The following TBC1D2 variants were observed in gnomAD, a reference collection of about 807,000 sequenced individuals.
TBC1D2 encodes TBC1 domain family member 2.
TBC1D2 carries 58 observed loss-of-function variants against 91.1 expected under a neutral mutation model. The ratio of observed to expected loss-of-function variants is 0.64; its 90% confidence interval spans 0.52 to 0.79. The LOEUF is 0.79. Ranked by LOEUF, TBC1D2 falls within the 30% of genes least tolerant of loss-of-function variation. TBC1D2 has a pLI of 0.00. For synonymous variants in TBC1D2, 482 were observed against 511.5 expected (o/e 0.94, Z 0.78); for missense variants, 1,080 against 1,208.3 (o/e 0.89, Z 1.57).
intron 7 of TBC1D2, among the ~76,000 whole-genome samples, chr9:98,211,748 G>A: frequency 6.6e-6 from 1 of 151,150 alleles, no homozygotes; most frequent in Non-Finnish European, 1.5e-5. Flanking sequence ...GCCCACCTCT[G>A]TTGCCTGGGC....
intron 6 of TBC1D2, chr9:98,213,601 C>CAT (rs1173673622): frequency 5.4e-6 from 1 of 184,626 alleles, no homozygotes; most frequent in Non-Finnish European, 1.1e-5. Flanking sequence ...GGGACCAAAA[C>CAT]ATAGCAAGTG....
chr9:98,212,743 A>C (rs1276424369), intron 7 of TBC1D2, among the ~76,000 whole-genome samples: 1 of 151,860 alleles, frequency 6.6e-6, no homozygotes, highest in Admixed American at 6.6e-5. Context: ...TGACCTTGTG[A>C]TCCACCCGCC....
intron 9 of TBC1D2, among the ~76,000 whole-genome samples, chr9:98,207,003 T>C (rs1342367270): frequency 6.6e-6 from 1 of 152,246 alleles, no homozygotes; most frequent in Non-Finnish European, 1.5e-5. Context: ...AAATGAGAAG[T>C]ACAGGGGCTT....
intron 3 of TBC1D2, among the ~76,000 whole-genome samples, chr9:98,239,889 G>A (rs12553553): frequency 0.066 from 10,032 of 152,058 alleles, 401 homozygotes; most frequent in East Asian, 0.17. Context: ...TTCTTCTTGC[G>A]TATATTTTAG....
At chr9:98,244,539 A>G (rs1202806161) in intron 2 of TBC1D2, among the ~76,000 whole-genome samples, 1 of 151,854 alleles carries the variant, frequency 6.6e-6, no homozygotes, top group African/African-American at 2.4e-5. Flanking sequence ...CATTCTTGCA[A>G]TCCCAGCTAC....
chr9:98,234,223 T>TACTA (rs1195011453), intron 3 of TBC1D2, among the ~76,000 whole-genome samples: 4 of 152,078 alleles, frequency 2.6e-5, no homozygotes, highest in African/African-American at 4.8e-5. Context: ...AAGAACCGGG[T>TACTA]ACTAACCTAC....
chr9:98,242,575 T>A (rs947596613), intron 3 of TBC1D2, among the ~76,000 whole-genome samples: 2 of 152,190 alleles, frequency 1.3e-5, no homozygotes, highest in African/African-American at 4.8e-5. Flanking sequence ...GCAGCTAATA[T>A]GCATTTCATG....
intron 10 of TBC1D2, among the ~76,000 whole-genome samples, chr9:98,202,835 A>C (rs1298537063): frequency 6.6e-6 from 1 of 152,286 alleles, no homozygotes; most frequent in Non-Finnish European, 1.5e-5. Context: ...TACATTTCCT[A>C]ACTTGCCTTG....
At chr9:98,214,583 C>T (rs530555142) in intron 6 of TBC1D2, among the ~76,000 whole-genome samples, 13 of 148,698 alleles carry the variant, frequency 8.7e-5, no homozygotes, top group Admixed American at 4.7e-4. Flanking sequence ...CATGTGCAAG[C>T]GATGCTGCAG....
At chr9:98,241,079 A>G (rs540861839) in intron 3 of TBC1D2, among the ~76,000 whole-genome samples, 37 of 152,330 alleles carry the variant, frequency 2.4e-4, no homozygotes, top group Admixed American at 4.6e-4. Flanking sequence ...GGACCCTTCC[A>G]TGGCTCAAAT....
At chr9:98,231,190 T>C (rs191478770) in intron 4 of TBC1D2, among the ~76,000 whole-genome samples, 8 of 150,514 alleles carry the variant, frequency 5.3e-5, no homozygotes, top group African/African-American at 9.8e-5. Context: ...CTGGATTTCA[T>C]AGGAGTGCCT....
intron 9 of TBC1D2, among the ~76,000 whole-genome samples, chr9:98,205,723 C>T (rs138258163): frequency 1.3e-5 from 2 of 152,116 alleles, no homozygotes; most frequent in East Asian, 1.9e-4. Context: ...TCTTGTTTTT[C>T]GTTTTTTTAA....
rs138960836 is a variant in TBC1D2 at position 98,223,428 on chromosome 9, C to T, written c.979-2200G>A. Among the ~76,000 whole-genome samples, 37 of 152,264 alleles carry T rather than the reference C, an allele frequency of 2.4e-4. No individual in the cohort carries two copies. In the East Asian group the frequency reaches 5.8e-3, roughly 24 times the overall value. Reference sequence around the variant, plus strand: ...GCAAACCAAAAGGGAATGTTTGGAACGTCCAGAATGAAGAAGTCAGCTTCT... The same window carrying T: ...GCAAACCAAAAGGGAATGTTTGGAATGTCCAGAATGAAGAAGTCAGCTTCT... On this transcript the variant is annotated intron_variant, in intron 5 of 12. Transcript: ENST00000465784.
At position 98,248,153 on chromosome 9, in the gene TBC1D2, A is replaced by G. The variant is rs189033583; in HGVS notation, c.511+3632T>C. ...CGTCCCTACTTTTGCTTTTCCCATTAAACAATGTGGCTTATCAGAGCAGCC... is the reference window on the plus strand; with the variant it reads ...CGTCCCTACTTTTGCTTTTCCCATTGAACAATGTGGCTTATCAGAGCAGCC... On this transcript the variant is annotated intron_variant, in intron 2 of 12. Coordinates refer to ENST00000465784, the MANE Select transcript of TBC1D2 (RefSeq NM_001267571.2). Among the ~76,000 whole-genome samples the G allele has an allele frequency of 1.8e-3, 276 of 152,360 alleles. 3 individuals carry two copies. The highest frequency in any genetic ancestry group is 7.5e-3 in the South Asian group (36 of 4,826).
chr9:98,247,728 C>CAAAAAAAAA (rs58713846), intron 2 of TBC1D2, among the ~76,000 whole-genome samples: 25 of 70,836 alleles, frequency 3.5e-4, no homozygotes, highest in South Asian at 5.5e-4. Context: ...GACTCCGTCT[C>CAAAAAAAAA]AAAAAAAAAA....
At chr9:98,223,018 G>A (rs1829137118) in intron 5 of TBC1D2, among the ~76,000 whole-genome samples, 1 of 152,234 alleles carries the variant, frequency 6.6e-6, no homozygotes, top group South Asian at 2.1e-4. Context: ...GCCAGGCCCT[G>A]AGCCAGGTGC....
intron 3 of TBC1D2, among the ~76,000 whole-genome samples, chr9:98,238,003 A>C (rs1257694948): frequency 2.0e-5 from 3 of 147,978 alleles, no homozygotes; most frequent in Non-Finnish European, 4.4e-5. Flanking sequence ...TCCCGGGTTC[A>C]AGCGATTCTC....
intron 3 of TBC1D2, among the ~76,000 whole-genome samples, chr9:98,238,851 T>A (rs1245411280): frequency 2.0e-5 from 3 of 147,596 alleles, no homozygotes; most frequent in East Asian, 1.9e-4. Context: ...GCCTCCCAAG[T>A]AGCTGGGACT....
rs79347569 is a variant in TBC1D2, at chr9:98,229,655, C to A, written c.782-507G>T. ...TACTCTGCATTCTTGCTCCAGAGAG[C>A]AGCTCAAGCATTTAACTTGATTCTT... On this transcript the variant is annotated intron_variant, in intron 4 of 12. Coordinates refer to ENST00000465784, the MANE Select transcript of TBC1D2 (RefSeq NM_001267571.2). 3.6e-3 allele frequency among the ~76,000 whole-genome samples: 542 copies of A among 152,368 alleles called. 3 individuals are homozygous for A. Among genetic ancestry groups the A allele is most frequent in the African/African-American group, 0.013 (521 of 41,588 alleles).
Sources: gnomAD v4.1 joint callset for allele counts (sites outside exome capture counted in the v4.1 genomes callset) on GRCh38, gnomAD v4.1.1 for gene constraint, MANE v1.5 for transcripts, NCBI Gene and HGNC (gene_info 2026-07-23, HGNC 2026-07-21) for gene names.